The following EXOC6 variants were observed in gnomAD, a reference collection of about 807,000 sequenced individuals.
EXOC6 encodes SEC15-like 1.
In EXOC6, 60 loss-of-function variants were observed where a neutral mutation model predicts 112.5. That is an observed-to-expected ratio of 0.53 (90% CI 0.43 to 0.66). The LOEUF is 0.66. EXOC6 is among the 30% of genes least tolerant of loss of function. The probability of loss-of-function intolerance (pLI) is 0.00; values close to 1 mark genes in which losing one functional copy is unlikely to be tolerated. For missense variants in EXOC6, 855 were observed against 957.1 expected, an observed-to-expected ratio of 0.89 and a Z score of 1.41; for synonymous variants, 295 against 308.0, an observed-to-expected ratio of 0.96 and a Z score of 0.44.
intron 8 of EXOC6, among the ~76,000 whole-genome samples, chr10:92,927,622 A>G (rs556925431): frequency 1.3e-5 from 2 of 152,374 alleles, no homozygotes; most frequent in South Asian, 4.1e-4. Flanking sequence ...TAGACAGCAC[A>G]GACATAGTAA....
At chr10:92,997,447 G>A (rs770690439) in intron 18 of EXOC6, 27 bp from the exon 19 acceptor site, 12 of 1,584,292 alleles carry the variant, frequency 7.6e-6, no homozygotes, top group Non-Finnish European at 1.0e-5. Flanking sequence ...TTATTTGTTT[G>A]ATTTTTGGTT....
intron 8 of EXOC6, among the ~76,000 whole-genome samples, chr10:92,924,861 C>G (rs993667465): frequency 6.6e-6 from 1 of 152,122 alleles, no homozygotes; most frequent in South Asian, 2.1e-4. Context: ...CATTATACCA[C>G]TCCACATGCC....
At chr10:92,842,440 G>A (rs2133592697) in intron 1 of EXOC6, among the ~76,000 whole-genome samples, 1 of 147,806 alleles carries the variant, frequency 6.8e-6, no homozygotes, top group South Asian at 2.1e-4. Context: ...AATGTCAGCT[G>A]TCATCATCAT....
intron 1 of EXOC6, among the ~76,000 whole-genome samples, chr10:92,867,041 G>T (rs1446739996): frequency 6.6e-6 from 1 of 152,090 alleles, no homozygotes; most frequent in Non-Finnish European, 1.5e-5. Flanking sequence ...AGAGGTAAAA[G>T]TCTTTCTGAA....
intron 20 of EXOC6, among the ~76,000 whole-genome samples, chr10:93,028,025 C>T (rs769362296): frequency 6.6e-6 from 1 of 152,106 alleles, no homozygotes; most frequent in Non-Finnish European, 1.5e-5. Context: ...TGTGATTGGT[C>T]GTGGCTCACC....
chr10:92,929,865 GGA>G (rs1851931805), intron 9 of EXOC6, among the ~76,000 whole-genome samples: 1 of 152,170 alleles, frequency 6.6e-6, no homozygotes, highest in Admixed American at 6.5e-5. Context: ...ATATCTAATT[GGA>G]GTTTCAGAAA....
intron 9 of EXOC6, among the ~76,000 whole-genome samples, chr10:92,930,607 T>C (rs1295372247): frequency 6.6e-6 from 1 of 152,032 alleles, no homozygotes; most frequent in Non-Finnish European, 1.5e-5. Context: ...AAAATGAATA[T>C]TGACTCACTT....
intron 18 of EXOC6, among the ~76,000 whole-genome samples, chr10:92,979,961 G>T (rs979812003): frequency 3.3e-5 from 5 of 150,430 alleles, no homozygotes; most frequent in Non-Finnish European, 2.9e-5. Context: ...CTATTCATCT[G>T]CATTTTTCTG....
chr10:92,901,344 A>G (rs1014349559), intron 5 of EXOC6: 2 of 152,192 alleles, frequency 1.3e-5, no homozygotes, highest in South Asian at 2.1e-4. Flanking sequence ...AAAAAATTCT[A>G]TTATTTCTTA....
intron 20 of EXOC6, among the ~76,000 whole-genome samples, chr10:93,037,193 A>G (rs1845553273): frequency 7.1e-6 from 1 of 141,820 alleles, no homozygotes; most frequent in Non-Finnish European, 1.5e-5. Flanking sequence ...CCCAGGCTGG[A>G]GTGCAGTGGT....
At chr10:93,052,105 C>G (rs1341024925) in intron 20 of EXOC6, among the ~76,000 whole-genome samples, 1 of 152,114 alleles carries the variant, frequency 6.6e-6, no homozygotes, top group Admixed American at 6.6e-5. Context: ...GCTTCAAAAG[C>G]AAAACCCAAA....
chr10:93,042,471 G>T (rs986956496), intron 20 of EXOC6, among the ~76,000 whole-genome samples: 1 of 152,146 alleles, frequency 6.6e-6, no homozygotes, highest in Non-Finnish European at 1.5e-5. Context: ...TTCATCACTA[G>T]TGTCAAATAT....
intron 19 of EXOC6, among the ~76,000 whole-genome samples, chr10:93,010,751 G>C (rs974949076): frequency 4.6e-5 from 7 of 150,952 alleles, no homozygotes; most frequent in Non-Finnish European, 2.9e-5. Flanking sequence ...TGAGTCTTTA[G>C]GGGACTGTTG....
At chr10:92,943,735 A>AT (rs1301242196) in intron 13 of EXOC6, among the ~76,000 whole-genome samples, 1 of 151,922 alleles carries the variant, frequency 6.6e-6, no homozygotes, top group South Asian at 2.1e-4. Flanking sequence ...TGGTGCAAAC[A>AT]TTTAAAATCT....
chr10:92,828,652 A>G (rs112613913), intron 1 of EXOC6, among the ~76,000 whole-genome samples: 4 of 65,036 alleles, frequency 6.2e-5, no homozygotes, highest in Non-Finnish European at 9.6e-5. Context: ...TTTTTTTTTT[A>G]ATAGACTTCT....
At chr10:92,926,824 T>G (rs1851751777) in intron 8 of EXOC6, among the ~76,000 whole-genome samples, 4 of 152,204 alleles carry the variant, frequency 2.6e-5, no homozygotes, top group Admixed American at 6.5e-5. Flanking sequence ...TGAGCTACTG[T>G]GCCCGGCCCC....
At chr10:92,908,298 G>A (rs1031724135) in intron 5 of EXOC6, among the ~76,000 whole-genome samples, 1 of 151,712 alleles carries the variant, frequency 6.6e-6, no homozygotes, top group African/African-American at 2.4e-5. Flanking sequence ...CAGGTGACCC[G>A]CCCACCTTAG....
intron 5 of EXOC6, chr10:92,900,284 CAAAAAACAAAAGAA>C (rs1245761299): frequency 6.6e-6 from 1 of 150,638 alleles, no homozygotes; most frequent in Non-Finnish European, 1.5e-5. Flanking sequence ...CCCTTCCCCC[CAAAAAACAAAAGAA>C]AAAAAACAAA....
At chr10:93,005,792 A>G (rs770126052) in intron 19 of EXOC6, among the ~76,000 whole-genome samples, 4 of 152,196 alleles carry the variant, frequency 2.6e-5, no homozygotes, top group Non-Finnish European at 5.9e-5. Context: ...GCTGGCACCT[A>G]TTTCAATGGT....
Sources: gnomAD v4.1 joint callset for allele counts (sites outside exome capture counted in the v4.1 genomes callset) on GRCh38, gnomAD v4.1.1 for gene constraint, MANE v1.5 for transcripts, NCBI Gene and HGNC (gene_info 2026-07-23, HGNC 2026-07-21) for gene names.